ZNF430: variants seen among roughly 807,000 people sequenced by gnomAD.
ZNF430 encodes the protein zinc finger protein 430.
A neutral mutation model predicts 56.7 loss-of-function variants in ZNF430; 35 were observed. The ratio of observed to expected loss-of-function variants is 0.62; its 90% CI spans 0.47 to 0.82. ZNF430 has a LOEUF of 0.82. ZNF430 is among the 40% of genes least tolerant of loss of function. The pLI, the probability that ZNF430 is intolerant of heterozygous loss-of-function variation, is 0.00. For missense variants in ZNF430, 574 were observed against 661.0 expected (o/e 0.87, Z 1.44); for synonymous variants, 212 against 224.3 (o/e 0.94, Z 0.49).
chr19:21,025,600 T>TA (rs1555801459), intron 2 of ZNF430, among the ~76,000 whole-genome samples: 4 of 152,142 alleles, frequency 2.6e-5, no homozygotes, highest in East Asian at 3.9e-4. Flanking sequence ...CTTTTTTTTT[T>TA]ATCTGAGACG....
chr19:21,054,374 G>GT (rs940538084), intron 4 of ZNF430, among the ~76,000 whole-genome samples: 76 of 147,110 alleles, frequency 5.2e-4, no homozygotes, highest in Admixed American at 1.2e-3. Context: ...ATTTTTTAAG[G>GT]TTTTTTTTTT....
intron 4 of ZNF430, among the ~76,000 whole-genome samples, chr19:21,046,740 G>C (rs969911045): frequency 5.3e-5 from 8 of 152,012 alleles, no homozygotes; most frequent in African/African-American, 1.9e-4. Flanking sequence ...TAGGTGATGT[G>C]GCGTTTCTCT....
chr19:21,056,543 A>G lies in ZNF430; in HGVS notation c.323-88A>G, dbSNP rs550182423. On this transcript the variant is annotated intron_variant, in intron 4 of 4. Transcript: ENST00000261560. ...TTTTGCTATGCCATCTTGTTTATGT[A>G]GTTTGTATAATTATATGGGTTAGAT... 139 of 945,478 alleles carry G rather than the reference A, an allele frequency of 1.5e-4. No individual in the cohort carries two copies. The Middle Eastern group carries it at 1.8e-3, about 12-fold the overall frequency. 58.6% of individuals were successfully genotyped at this position (945,478 alleles called of 1,614,324 possible). A position where few individuals can be genotyped will look rare whatever the true frequency, so the allele number is the denominator to read the frequency against.
intron 4 of ZNF430, 76 bp from the exon 5 acceptor site, chr19:21,056,555 T>C (rs1333352300): frequency 9.0e-7 from 1 of 1,116,138 alleles, no homozygotes. Flanking sequence ...TTTGTATAAT[T>C]ATATGGGTTA....
rs188578845 is a variant in ZNF430 at position 21,058,276 on chromosome 19, C to T, written c.*255C>T. The stretch of plus-strand genomic sequence containing the variant: ...CCTGACCAACATGGTGAAATCCTGT[C>T]TCTACTAAAAATACAAAATTAGCCA... On this transcript the variant is annotated 3_prime_UTR_variant, in exon 5 of 5. Transcript: ENST00000261560. 3.9e-4 allele frequency: 168 copies of T among 427,270 alleles called. 3 individuals carry two copies. In the East Asian group the frequency reaches 6.4e-3, roughly 16 times the overall value. 26.5% of individuals were successfully genotyped at this position (427,270 alleles called of 1,614,324 possible). A position where few individuals can be genotyped will look rare whatever the true frequency, so the allele number is the denominator to read the frequency against.
chr19:21,034,237 G>T (rs1392293103), intron 4 of ZNF430, 53 bp downstream of exon 4: 1 of 1,197,856 alleles, frequency 8.3e-7, no homozygotes, highest in South Asian at 1.6e-5. Flanking sequence ...CAAAAAAGAA[G>T]AAAGCCAATG....
At chr19:21,049,189 A>AAAAAAAAAT (rs1968237950) in intron 4 of ZNF430, among the ~76,000 whole-genome samples, 1 of 150,412 alleles carries the variant, frequency 6.6e-6, no homozygotes, top group African/African-American at 2.4e-5. Context: ...AAAAAAAAAA[A>AAAAAAAAAT]AAAAAAAAGT....
At chr19:21,053,843 TC>T (rs1260940376) in intron 4 of ZNF430, among the ~76,000 whole-genome samples, 1 of 152,208 alleles carries the variant, frequency 6.6e-6, no homozygotes. Flanking sequence ...TCTTTGTCTC[TC>T]ATTTTCTCTC....
chr19:21,033,802 T>C lies in ZNF430; in HGVS notation c.223+220T>C, dbSNP rs1347362542. ...TCCTGGGCTGATCTGTATCCTTCAC[T>C]CTAGATTAGTGGCAATTCCAGAAAT... On this transcript the variant is annotated intron_variant, in intron 3 of 4. Coordinates refer to ENST00000261560, the MANE Select transcript of ZNF430 (RefSeq NM_025189.4). 1.3e-5 allele frequency: 7 copies of C among 558,526 alleles called. No individual in the cohort carries two copies. In the Admixed American group the frequency reaches 1.8e-4, roughly 14 times the overall value. The allele number at this position is 558,526 out of a possible 1,614,324, so 34.6% of individuals were successfully genotyped here.
At chr19:21,026,495 ACTT>A (rs1256597434) in intron 2 of ZNF430, among the ~76,000 whole-genome samples, 1 of 151,772 alleles carries the variant, frequency 6.6e-6, no homozygotes, top group Admixed American at 6.6e-5. Context: ...CCAATCTCTG[ACTT>A]CTTTAAGCAG....
intron 4 of ZNF430, among the ~76,000 whole-genome samples, chr19:21,046,168 A>G (rs1004343253): frequency 6.6e-6 from 1 of 152,064 alleles, no homozygotes; most frequent in African/African-American, 2.4e-5. Flanking sequence ...CTAAAAATAT[A>G]AAAATTAGCC....
chr19:21,039,573 A>G (rs371597413), intron 4 of ZNF430, among the ~76,000 whole-genome samples: 1 of 147,434 alleles, frequency 6.8e-6, no homozygotes, highest in African/African-American at 2.5e-5. Flanking sequence ...TTCAAGCAAT[A>G]CTCCCGCCTC....
chr19:21,022,931 T>C (rs745862890), intron 2 of ZNF430, 50 bp downstream of exon 2: 1 of 1,325,332 alleles, frequency 7.5e-7, no homozygotes, highest in South Asian at 1.2e-5. Context: ...AGCTTTCATT[T>C]CTTGGAGACA....
chr19:21,022,003 A>T (rs180940248), intron 1 of ZNF430, among the ~76,000 whole-genome samples: 1 of 151,750 alleles, frequency 6.6e-6, no homozygotes, highest in Non-Finnish European at 1.5e-5. Context: ...CTGCCCAGCT[A>T]ATTTTTGTAC....
chr19:21,033,321 T>A, intron 2 of ZNF430, 135 bp from the exon 3 acceptor site: 1 of 1,240,624 alleles, frequency 8.1e-7, no homozygotes, highest in Non-Finnish European at 1.1e-6. Context: ...AAAAAAATTA[T>A]TGGATAATTT....
chr19:21,026,900 G>T (rs1967811541), intron 2 of ZNF430, among the ~76,000 whole-genome samples: 1 of 132,154 alleles, frequency 7.6e-6, no homozygotes, highest in Non-Finnish European at 1.6e-5. Flanking sequence ...TGTGATCTCG[G>T]CTCACTGCAA....
At chr19:21,042,099 T>C (rs1337206923) in intron 4 of ZNF430, among the ~76,000 whole-genome samples, 1 of 152,250 alleles carries the variant, frequency 6.6e-6, no homozygotes, top group Non-Finnish European at 1.5e-5. Context: ...CTGAGGATAA[T>C]GGCTTTCAGC....
chr19:21,037,846 T>C lies in ZNF430; in HGVS notation c.322+3662T>C, dbSNP rs112609555. Among the ~76,000 whole-genome samples, 155 of 152,340 alleles carry C rather than the reference T, an allele frequency of 1.0e-3. 1 individual carries two copies. Among genetic ancestry groups the C allele is most frequent in the African/African-American group, 3.2e-3 (133 of 41,586 alleles). ...TACAAATTATTAATTTTGCATGTCA[T>C]TTCAAATGCTTTTTCCATTTGTGTA... is the stretch of plus-strand genomic sequence containing the variant. On this transcript the variant is annotated intron_variant, in intron 4 of 4. Transcript: ENST00000261560.
chr19:21,033,743 C>A, intron 3 of ZNF430, 161 bp downstream of exon 3: 2 of 877,560 alleles, frequency 2.3e-6, no homozygotes, highest in Non-Finnish European at 3.3e-6. Flanking sequence ...AGAATTTTTT[C>A]AAGAAGTTTT....
Sources: gnomAD v4.1 joint callset for allele counts (sites outside exome capture counted in the v4.1 genomes callset) on GRCh38, gnomAD v4.1.1 for gene constraint, MANE v1.5 for transcripts, NCBI Gene and HGNC (gene_info 2026-07-23, HGNC 2026-07-21) for gene names.